Variants in SOCS5 observed in about 807,000 individuals in gnomAD.
The protein encoded by SOCS5 is suppressor of cytokine signaling 5.
Under a neutral mutation model 42.8 loss-of-function variants are expected in SOCS5, and 32 were observed. The ratio of observed to expected loss-of-function variants is 0.75; its 90% CI spans 0.56 to 1.01. The LOEUF (loss-of-function observed/expected upper bound fraction) is 1.01, where lower values mean the gene tolerates loss of function less well. SOCS5 is among the 50% of genes least tolerant of loss of function. The pLI is 0.00. For synonymous variants in SOCS5, 283 were observed against 229.6 expected (o/e 1.23, Z -2.10); for missense variants, 627 against 653.0 (o/e 0.96, Z 0.43).
intron 1 of SOCS5, among the ~76,000 whole-genome samples, chr2:46,754,919 T>A (rs980295499): frequency 2.0e-5 from 3 of 152,198 alleles, no homozygotes; most frequent in African/African-American, 7.2e-5. Context: ...AAACGTATTA[T>A]CTTTTTCTAA....
chr2:46,728,935 G>T (rs1275441811), intron 1 of SOCS5, among the ~76,000 whole-genome samples: 1 of 152,186 alleles, frequency 6.6e-6, no homozygotes, highest in African/African-American at 2.4e-5. Flanking sequence ...ACCAGGGCTA[G>T]CATCGTCAGA....
intron 1 of SOCS5, among the ~76,000 whole-genome samples, chr2:46,720,937 T>C (rs1030895244): frequency 1.3e-5 from 2 of 152,186 alleles, no homozygotes; most frequent in Non-Finnish European, 2.9e-5. Flanking sequence ...GCAAGCTTGC[T>C]GTCCCGAGGT....
rs777834818 is a variant in SOCS5, at chr2:46,758,526, A to G, written c.-5A>G. On this transcript the variant is annotated 5_prime_UTR_variant, in exon 2 of 2. It adds an upstream start codon to the 5' untranslated region. Coordinates refer to ENST00000394861, the MANE Select transcript of SOCS5 (RefSeq NM_144949.3). Reference sequence around the variant, plus strand: ...TTGCTGTTTTGTCTTTAGATTTTATAATCAATGGATAAAGTGGGAAAAATG... The same window carrying G: ...TTGCTGTTTTGTCTTTAGATTTTATGATCAATGGATAAAGTGGGAAAAATG... 3 of 1,572,338 alleles carry G rather than the reference A, an allele frequency of 1.9e-6. No homozygotes were observed. In the South Asian group the frequency reaches 3.6e-5, roughly 19 times the overall value.
In SOCS5 at chr2:46,758,953, GT is replaced by G; in HGVS notation, c.426del (p.Phe142LeufsTer17). 1 of 1,613,990 alleles carries G rather than the reference GT, an allele frequency of 6.2e-7. No homozygotes were observed. Among genetic ancestry groups the G allele is most frequent in the Non-Finnish European group, 8.5e-7 (1 of 1,179,868 alleles). On this transcript the variant is annotated frameshift_variant, in exon 2 of 2. Transcript: ENST00000394861. LOFTEE classifies it high-confidence loss of function. Reference sequence around the variant, plus strand: ...AGAGTTCATTGGATGCTGATAAAAAGTTTGGTAGAACTCGAAGTGGACTTCA... The same window carrying G: ...AGAGTTCATTGGATGCTGATAAAAAGTTGGTAGAACTCGAAGTGGACTTCA... The part of the protein sequence containing the change: ...TQSSLDADKK[F>X]GRTRSGLQRR...
chr2:46,752,621 G>A (rs1463654777), intron 1 of SOCS5, among the ~76,000 whole-genome samples: 2 of 152,220 alleles, frequency 1.3e-5, no homozygotes, highest in African/African-American at 2.4e-5. Flanking sequence ...TATGTTTTGA[G>A]TGTTACATTT....
chr2:46,724,050 A>C lies in SOCS5; in HGVS notation c.-13+24601A>C, dbSNP rs74609726. ...TGGTTTTTAAAATTTTTAGTTTCTG[A>C]CTGTTCATTGGTAATATATAAAAAT... On this transcript the variant is annotated intron_variant, in intron 1 of 1. Coordinates refer to ENST00000394861, the MANE Select transcript of SOCS5 (RefSeq NM_144949.3). 2.7e-4 allele frequency among the ~76,000 whole-genome samples: 41 copies of C among 151,906 alleles called. 1 individual carries two copies. The East Asian group carries it at 7.7e-3, about 29-fold the overall frequency.
At position 46,732,164 on chromosome 2, in the gene SOCS5, A is replaced by G. The variant is rs564176776; in HGVS notation, c.-12-26355A>G. On this transcript the variant is annotated intron_variant, in intron 1 of 1. Transcript: ENST00000394861. ...ATAAGAAAATGGGATTCATGTGTTC[A>G]TGTTGTGCCCTAGTGTAACCAGCAC... Among the ~76,000 whole-genome samples the G allele has an allele frequency of 7.2e-5, 11 of 152,326 alleles. 1 individual carries two copies. In the South Asian group the frequency reaches 1.9e-3, roughly 26 times the overall value.
chr2:46,750,466 TC>T (rs1258046702), intron 1 of SOCS5, among the ~76,000 whole-genome samples: 1 of 152,152 alleles, frequency 6.6e-6, no homozygotes, highest in African/African-American at 2.4e-5. Context: ...TCTTCTTTTT[TC>T]TTCTTTTTAA....
chr2:46,707,086 G>A (rs1264351557), intron 1 of SOCS5, among the ~76,000 whole-genome samples: 1 of 152,148 alleles, frequency 6.6e-6, no homozygotes, highest in Non-Finnish European at 1.5e-5. Flanking sequence ...TTAGGTGGCA[G>A]GACTAGCACA....
At chr2:46,703,396 G>A (rs892416288) in intron 1 of SOCS5, among the ~76,000 whole-genome samples, 2 of 151,928 alleles carry the variant, frequency 1.3e-5, no homozygotes, top group African/African-American at 4.8e-5. Context: ...TGTTTGAAGA[G>A]TGACCAATTT....
chr2:46,758,448 G>A (rs1572849315), intron 1 of SOCS5, 71 bp from the exon 2 acceptor site: 1 of 1,013,768 alleles, frequency 9.9e-7, no homozygotes, highest in Non-Finnish European at 1.5e-6. Flanking sequence ...AGGGGTGTGG[G>A]CACTGCCTTA....
At chr2:46,708,298 T>A (rs1477025237) in intron 1 of SOCS5, among the ~76,000 whole-genome samples, 2 of 152,178 alleles carry the variant, frequency 1.3e-5, no homozygotes, top group Non-Finnish European at 2.9e-5. Context: ...AGAAGTTGAG[T>A]ATGAGTCTAA....
chr2:46,724,281 T>G (rs1672946590), intron 1 of SOCS5, among the ~76,000 whole-genome samples: 1 of 151,838 alleles, frequency 6.6e-6, no homozygotes, highest in South Asian at 2.1e-4. Context: ...AAATACAATG[T>G]TGACTAGAAG....
At position 46,762,934 on chromosome 2, in the gene SOCS5, A is replaced by G. The variant is rs1323240696; in HGVS notation, c.*2793A>G. 4.8e-5 allele frequency: 8 copies of G among 167,042 alleles called. No homozygotes were observed. In the Admixed American group the frequency reaches 5.2e-4, roughly 11 times the overall value. 10.3% of individuals were successfully genotyped at this position (167,042 alleles called of 1,614,324 possible). On this transcript the variant is annotated 3_prime_UTR_variant, in exon 2 of 2. Coordinates refer to ENST00000394861, the MANE Select transcript of SOCS5 (RefSeq NM_144949.3). ...ATAAGTGTGTATTATATATTTATGT[A>G]TGCACATATATACATTTATGTTGTT...
chr2:46,729,713 T>G (rs1673073009), intron 1 of SOCS5, among the ~76,000 whole-genome samples: 1 of 152,240 alleles, frequency 6.6e-6, no homozygotes, highest in Non-Finnish European at 1.5e-5. Flanking sequence ...TGTGAAGGCC[T>G]AGAACATTAC....
At chr2:46,726,350 C>A (rs1241965311) in intron 1 of SOCS5, among the ~76,000 whole-genome samples, 1 of 152,188 alleles carries the variant, frequency 6.6e-6, no homozygotes, top group Non-Finnish European at 1.5e-5. Flanking sequence ...CCCGCCTCGA[C>A]CTCCCAAAGT....
chr2:46,736,439 C>T (rs1170727390), intron 1 of SOCS5, among the ~76,000 whole-genome samples: 1 of 152,138 alleles, frequency 6.6e-6, no homozygotes, highest in African/African-American at 2.4e-5. Flanking sequence ...ACTTTTTCAT[C>T]TTCCCCAACT....
Position 46,758,778 on chromosome 2 carries a change from C to A in SOCS5, c.248C>A (p.Ala83Asp). The A allele has an allele frequency of 6.2e-7, 1 of 1,614,138 alleles. No individual in the cohort carries two copies. Residue 83 changes from alanine (A) to aspartate (D), a missense_variant, in exon 2 of 2, where the codon GCC becomes GAC. Transcript: ENST00000394861. ...TCTTCAAGGAGAAATCAAAATTGTGCCACAGAAATCCCTCAAATTGTTGAA... is the reference window on the plus strand; with the variant it reads ...TCTTCAAGGAGAAATCAAAATTGTGACACAGAAATCCCTCAAATTGTTGAA... ...KNSSRRNQNC[A>D]TEIPQIVEIS...
At chr2:46,727,298 G>A (rs987984708) in intron 1 of SOCS5, among the ~76,000 whole-genome samples, 2 of 152,020 alleles carry the variant, frequency 1.3e-5, no homozygotes, top group Non-Finnish European at 1.5e-5. Context: ...TTTTATAATA[G>A]CTGCTTTAAA....
Sources: gnomAD v4.1 joint callset for allele counts (sites outside exome capture counted in the v4.1 genomes callset) on GRCh38, gnomAD v4.1.1 for gene constraint, MANE v1.5 for transcripts, NCBI Gene and HGNC (gene_info 2026-07-23, HGNC 2026-07-21) for gene names.